The following NTRK3 variants were observed in gnomAD, a reference collection of about 807,000 sequenced individuals.
NTRK3 encodes neurotrophic receptor tyrosine kinase 3.
A neutral mutation model predicts 91.7 loss-of-function variants in NTRK3; 24 were observed. That is an observed-to-expected ratio of 0.26 (90% confidence interval 0.19 to 0.37). The LOEUF is 0.37. Among genes scored for constraint, NTRK3 ranks in the 10% least tolerant of loss-of-function variants. The pLI is 1.00. For missense variants in NTRK3, 880 were observed against 1,068.9 expected (o/e 0.82, Z 2.46); for synonymous variants, 483 against 404.0 (o/e 1.20, Z -2.34).
chr15:88,085,550 C>T (rs2048423388), intron 13 of NTRK3, among the ~76,000 whole-genome samples: 1 of 152,182 alleles, frequency 6.6e-6, no homozygotes, highest in Non-Finnish European at 1.5e-5. Context: ...CAGCCAAGCA[C>T]ATCAGGAATC....
chr15:88,163,024 C>T (rs985003026), intron 5 of NTRK3, among the ~76,000 whole-genome samples: 3 of 152,154 alleles, frequency 2.0e-5, no homozygotes, highest in Non-Finnish European at 2.9e-5. Flanking sequence ...ACCTTCTCTT[C>T]CCAGTCCACC....
chr15:87,974,432 T>C (rs551990576), intron 14 of NTRK3, among the ~76,000 whole-genome samples: 1 of 151,968 alleles, frequency 6.6e-6, no homozygotes, highest in South Asian at 2.1e-4. Flanking sequence ...TTTCTTCTAC[T>C]ACCTTCCTGT....
At chr15:88,057,563 A>C (rs550746191) in intron 13 of NTRK3, among the ~76,000 whole-genome samples, 103 of 152,292 alleles carry the variant, frequency 6.8e-4, no homozygotes, top group African/African-American at 2.3e-3. Context: ...GTCTTGGCCA[A>C]TTCCAGAAGG....
intron 14 of NTRK3, among the ~76,000 whole-genome samples, chr15:88,011,655 T>C (rs898707): frequency 0.59 from 89,594 of 151,974 alleles, 29,165 homozygotes; most frequent in African/African-American, 0.89. Flanking sequence ...AGTGTATGCA[T>C]GAGCAGGCCA....
exon 19 of NTRK3, chr15:87,874,854 TG>T (rs1346247347): frequency 4.3e-6 from 1 of 231,090 alleles, no homozygotes; most frequent in Non-Finnish European, 8.6e-6. Flanking sequence ...TTCCTTGAGG[TG>T]GTCAATCCAA....
chr15:88,021,101 G>A (rs1184392777), intron 14 of NTRK3, among the ~76,000 whole-genome samples: 4 of 152,206 alleles, frequency 2.6e-5, no homozygotes, highest in Non-Finnish European at 5.9e-5. Context: ...AGAAGCACCT[G>A]CAACAGCTTC....
intron 3 of NTRK3, 82 bp from the exon 4 acceptor site, chr15:88,184,381 G>A: frequency 7.8e-7 from 1 of 1,288,238 alleles, no homozygotes; most frequent in Non-Finnish European, 1.1e-6. Context: ...ACCTGGCTTT[G>A]ATCCCCGATG....
intron 17 of NTRK3, among the ~76,000 whole-genome samples, chr15:87,886,412 G>A (rs1341285484): frequency 3.3e-5 from 5 of 151,572 alleles, no homozygotes; most frequent in African/African-American, 9.7e-5. Flanking sequence ...TAAAGTTATA[G>A]GCAGCAGTTA....
intron 14 of NTRK3, among the ~76,000 whole-genome samples, chr15:88,021,626 G>A (rs761159705): frequency 1.3e-5 from 2 of 151,972 alleles, no homozygotes; most frequent in South Asian, 2.1e-4. Context: ...ATCCTTCAGA[G>A]AACAATTTGC....
intron 13 of NTRK3, among the ~76,000 whole-genome samples, chr15:88,110,291 G>A (rs376391909): frequency 3.4e-4 from 52 of 152,192 alleles, no homozygotes; most frequent in Non-Finnish European, 5.6e-4. Flanking sequence ...GGAAAAGGCA[G>A]GTCAGACCTA....
At chr15:88,145,851 GT>G (rs11290780) in intron 6 of NTRK3, among the ~76,000 whole-genome samples, 75,487 of 151,640 alleles carry the variant, frequency 0.5, 20,192 homozygotes, top group African/African-American at 0.71. Context: ...ACAATCATGT[GT>G]TTTTTTTAAA....
At chr15:87,906,684 AC>A (rs1200803926) in intron 17 of NTRK3, among the ~76,000 whole-genome samples, 20 of 152,152 alleles carry the variant, frequency 1.3e-4, no homozygotes, top group Non-Finnish European at 2.1e-4. Context: ...AACTAAATAA[AC>A]TAAAATATTT....
chr15:88,025,550 A>G (rs912399052), intron 14 of NTRK3, among the ~76,000 whole-genome samples: 2 of 152,216 alleles, frequency 1.3e-5, no homozygotes, highest in African/African-American at 4.8e-5. Flanking sequence ...TTATGAAGAC[A>G]GAGGGTTGGA....
chr15:88,188,827 C>T (rs574975704), intron 3 of NTRK3, among the ~76,000 whole-genome samples: 55 of 152,366 alleles, frequency 3.6e-4, no homozygotes, highest in African/African-American at 1.3e-3. Context: ...TTCTCACCAT[C>T]TCTGGCTGGA....
Position 88,239,583 on chromosome 15 carries a change from G to A in NTRK3, c.248+16323C>T, listed in dbSNP as rs75656691. On this transcript the variant is annotated intron_variant, in intron 3 of 18. Coordinates refer to ENST00000394480, the Ensembl canonical transcript of NTRK3. Reference sequence around the variant, plus strand: ...AGGTTCAGGTCAAGTCCAGCCCTTAGGGAAAGGTCAGCATGGGGCCAAAGT... The same window carrying A: ...AGGTTCAGGTCAAGTCCAGCCCTTAAGGAAAGGTCAGCATGGGGCCAAAGT... 2.6e-4 allele frequency among the ~76,000 whole-genome samples: 40 copies of A among 152,252 alleles called. No homozygotes were observed. The East Asian group carries it at 7.2e-3, about 27-fold the overall frequency.
At chr15:88,189,204 T>G (rs1431659333) in intron 3 of NTRK3, among the ~76,000 whole-genome samples, 1 of 152,192 alleles carries the variant, frequency 6.6e-6, no homozygotes, top group Non-Finnish European at 1.5e-5. Context: ...GGAATGGCCA[T>G]GCAGAGTCTC....
intron 14 of NTRK3, among the ~76,000 whole-genome samples, chr15:87,956,137 A>G (rs1213012151): frequency 6.6e-6 from 1 of 152,200 alleles, no homozygotes; most frequent in Non-Finnish European, 1.5e-5. Context: ...ATGGGAGAAT[A>G]TATGGAAAAA....
chr15:87,865,967 C>CAGCTTT, exon 19 of NTRK3: 1 of 231,516 alleles, frequency 4.3e-6, no homozygotes. Context: ...AAAAGCGGCT[C>CAGCTTT]TCAGTCACTC....
intron 14 of NTRK3, among the ~76,000 whole-genome samples, chr15:87,964,252 T>C (rs981417248): frequency 3.3e-5 from 5 of 152,196 alleles, no homozygotes; most frequent in African/African-American, 1.2e-4. Flanking sequence ...AACTTGCCAA[T>C]GAGGAACAGG....
Sources: gnomAD v4.1 joint callset for allele counts (sites outside exome capture counted in the v4.1 genomes callset) on GRCh38, gnomAD v4.1.1 for gene constraint, MANE v1.5 for transcripts, NCBI Gene and HGNC (gene_info 2026-07-23, HGNC 2026-07-21) for gene names.